Variants in CCNL1 observed in about 807,000 individuals in gnomAD.
CCNL1 encodes cyclin-L1.
A neutral mutation model predicts 60.6 loss-of-function variants in CCNL1; 13 were observed. The ratio of observed to expected loss-of-function variants is 0.21; its 90% confidence interval spans 0.14 to 0.34. The LOEUF (loss-of-function observed/expected upper bound fraction) is 0.34. Among genes scored for constraint, CCNL1 ranks in the 10% least tolerant of loss-of-function variants. The pLI is 1.00. For synonymous variants in CCNL1, 270 were observed against 244.3 expected, an observed-to-expected ratio of 1.10 and a Z score of -0.98; for missense variants, 481 against 664.3, an observed-to-expected ratio of 0.72 and a Z score of 3.03.
At position 157,153,139 on chromosome 3, in the gene CCNL1, A is replaced by G. The variant is rs763988371; in HGVS notation, c.506T>C (p.Ile169Thr). The stretch of plus-strand genomic sequence containing the variant: ...GGTGTTAATGTAGTTCTGATCAAGG[A>G]TCAGGGGGCTTGGAGTCCTATAGTT... ...LRGKRTPSPL[I>T]LDQNYINTKN... The change falls in exon 4 of 11, where the codon ATC becomes ACC. Residue 169 changes from isoleucine to threonine, a missense_variant. Coordinates refer to ENST00000295926, the MANE Select transcript of CCNL1 (RefSeq NM_020307.4). 1.4e-5 allele frequency: 23 copies of G among 1,613,076 alleles called. No homozygotes were observed. Among genetic ancestry groups the G allele is most frequent in the Middle Eastern group, 1.6e-4 (1 of 6,080 alleles).
At chr3:157,150,507 T>C in intron 5 of CCNL1, 126 bp from the exon 6 acceptor site, 1 of 1,432,768 alleles carries the variant, frequency 7.0e-7, no homozygotes, top group East Asian at 2.5e-5. Flanking sequence ...ATCCTCATAT[T>C]CTAGCATATA....
intron 10 of CCNL1, 95 bp from the exon 11 acceptor site, chr3:157,148,684 G>T: frequency 9.1e-7 from 1 of 1,101,406 alleles, no homozygotes; most frequent in Non-Finnish European, 1.3e-6. Context: ...AAAACTACCA[G>T]CTACATAAAT....
rs1393416503 is a variant in CCNL1 at position 157,148,465 on chromosome 3, T to G, written c.1357A>C (p.Thr453Pro). 2 of 1,614,106 alleles carry G rather than the reference T, an allele frequency of 1.2e-6. No individual in the cohort carries two copies. The highest frequency in any genetic ancestry group is 1.3e-5 in the African/African-American group (1 of 74,934). ...HGSPHLKAKHTRDDLKSSNRH... is the reference protein window; with the variant it reads ...HGSPHLKAKHPRDDLKSSNRH... Reference sequence around the variant, plus strand: ...TTTGAACTTTTTAAATCATCTCTGGTATGCTTGGCCTTAAGGTGAGGAGAA... The same window carrying G: ...TTTGAACTTTTTAAATCATCTCTGGGATGCTTGGCCTTAAGGTGAGGAGAA... Residue 453 changes from threonine to proline, a missense_variant, in exon 11 of 11, where the codon ACC becomes CCC. Coordinates refer to ENST00000295926, the MANE Select transcript of CCNL1 (RefSeq NM_020307.4).
At chr3:157,149,751 C>G in intron 8 of CCNL1, 85 bp downstream of exon 8, 1 of 1,527,854 alleles carries the variant, frequency 6.5e-7, no homozygotes, top group Non-Finnish European at 8.9e-7. Flanking sequence ...TCATTTTTCT[C>G]TATGCAACTT....
chr3:157,159,733 G>A, intron 1 of CCNL1, 59 bp downstream of exon 1: 2 of 1,378,246 alleles, frequency 1.5e-6, no homozygotes, highest in Non-Finnish European at 1.9e-6. Flanking sequence ...CTGAGATGCG[G>A]CGTAGGGGAC....
chr3:157,147,035 TCTC>T (rs1228408313), downstream of CCNL1, among the ~76,000 whole-genome samples: 3 of 152,198 alleles, frequency 2.0e-5, no homozygotes, highest in African/African-American at 7.2e-5. Context: ...GTCTTTGGAA[TCTC>T]CTCTTCAGAA....
At chr3:157,152,075 C>A in intron 5 of CCNL1, 102 bp downstream of exon 5, 1 of 1,527,136 alleles carries the variant, frequency 6.5e-7, no homozygotes, top group South Asian at 1.3e-5. Flanking sequence ...ACGAAAAGCC[C>A]CAAACAAACT....
chr3:157,147,045 A>AG (rs1260522809), downstream of CCNL1, among the ~76,000 whole-genome samples: 1 of 152,200 alleles, frequency 6.6e-6, no homozygotes, highest in Non-Finnish European at 1.5e-5. Flanking sequence ...TCTCCTCTTC[A>AG]GAAGCTGTAA....
intron 5 of CCNL1, 150 bp from the exon 6 acceptor site, chr3:157,150,531 CA>C: frequency 3.6e-6 from 5 of 1,380,218 alleles, no homozygotes; most frequent in East Asian, 2.5e-5. Flanking sequence ...ACTCTTAACT[CA>C]AAAAAATCAG....
chr3:157,155,616 C>T (rs1205603881), intron 3 of CCNL1, among the ~76,000 whole-genome samples: 2 of 152,150 alleles, frequency 1.3e-5, no homozygotes, highest in African/African-American at 2.4e-5. Context: ...CACAAATCAA[C>T]GGTGCACACG....
downstream of CCNL1, among the ~76,000 whole-genome samples, chr3:157,145,232 G>A (rs528022539): frequency 1.3e-4 from 20 of 151,942 alleles, no homozygotes; most frequent in African/African-American, 4.3e-4. Flanking sequence ...TAAGGAGATC[G>A]AGGCCATCCT....
downstream of CCNL1, among the ~76,000 whole-genome samples, chr3:157,146,181 G>C (rs1241880302): frequency 6.6e-6 from 1 of 152,060 alleles, no homozygotes; most frequent in Non-Finnish European, 1.5e-5. Context: ...TTAATAAACA[G>C]GTATTATTGG....
intron 3 of CCNL1, among the ~76,000 whole-genome samples, chr3:157,155,850 G>A (rs2108131512): frequency 6.6e-6 from 1 of 152,204 alleles, no homozygotes; most frequent in South Asian, 2.1e-4. Flanking sequence ...TAAAAAAGAA[G>A]TCTTCATCTA....
chr3:157,157,650 GATA>G (rs1738722820), intron 3 of CCNL1, among the ~76,000 whole-genome samples: 2 of 152,090 alleles, frequency 1.3e-5, no homozygotes, highest in African/African-American at 4.8e-5. Flanking sequence ...CAAACTAAAA[GATA>G]TTTTAGAATT....
chr3:157,147,596 T>C lies in CCNL1; in HGVS notation c.*645A>G, dbSNP rs530808516. On this transcript the variant is annotated 3_prime_UTR_variant, in exon 11 of 11. Transcript: ENST00000295926. ...AAATATAACATTTAATGTCACATTG[T>C]TGGGCGACTCCCATTTACTTTTTCC... The C allele has an allele frequency of 4.0e-5, 39 of 985,462 alleles. No individual in the cohort carries two copies. The highest frequency in any genetic ancestry group is 4.5e-5 in the Non-Finnish European group (37 of 829,926). The allele number at this position is 985,462 out of a possible 1,614,324, so 61.0% of individuals were successfully genotyped here.
chr3:157,155,112 A>C (rs1738516396), intron 3 of CCNL1, among the ~76,000 whole-genome samples: 1 of 152,170 alleles, frequency 6.6e-6, no homozygotes, highest in Admixed American at 6.5e-5. Flanking sequence ...TCATTAAGAG[A>C]TAAAATAGCT....
downstream of CCNL1, among the ~76,000 whole-genome samples, chr3:157,145,076 TTAAAC>T (rs1398886549): frequency 6.6e-6 from 1 of 152,160 alleles, no homozygotes; most frequent in Non-Finnish European, 1.5e-5. Flanking sequence ...TCACTGGTCT[TTAAAC>T]TAAAGATACC....
chr3:157,151,433 T>TA, intron 5 of CCNL1: 2 of 985,822 alleles, frequency 2.0e-6, no homozygotes, highest in Non-Finnish European at 2.4e-6. Flanking sequence ...TAAGCAATAT[T>TA]ATAGTAACAT....
In CCNL1 at chr3:157,159,942, T is replaced by C; in HGVS notation, c.153A>G (p.Ser51=). Residue 51 remains serine, a synonymous_variant, in exon 1 of 11, where the codon TCA becomes TCG. Coordinates refer to ENST00000295926, the MANE Select transcript of CCNL1 (RefSeq NM_020307.4). ...LIGDRLYSEV[S]LTIDHSLIPE... ...GAATCAGAGAGTGGTCGATGGTAAG[T>C]GAAACTTCCGAGTACAGGCGATCGC... 1 of 1,604,660 alleles carries C rather than the reference T, an allele frequency of 6.2e-7. No homozygotes were observed. The highest frequency in any genetic ancestry group is 8.5e-7 in the Non-Finnish European group (1 of 1,175,618).
Sources: allele counts gnomAD v4.1 joint callset (sites outside exome capture counted in the v4.1 genomes callset), GRCh38; gene constraint gnomAD v4.1.1; transcripts MANE v1.5; gene names NCBI Gene and HGNC (gene_info 2026-07-23, HGNC 2026-07-21).